The following U2SURP variants were observed in gnomAD, a reference collection of about 807,000 sequenced individuals.
The protein encoded by U2SURP is U2 snRNP-associated SURP motif-containing protein.
Under a neutral mutation model 144.9 loss-of-function variants are expected in U2SURP, and 9 were observed. That is an observed-to-expected ratio of 0.06 (90% CI 0.04 to 0.11). The LOEUF (loss-of-function observed/expected upper bound fraction) is 0.11, where lower values mean the gene tolerates loss of function less well. Among genes scored for constraint, U2SURP ranks in the 10% least tolerant of loss-of-function variants. The probability of loss-of-function intolerance (pLI) is 1.00; values close to 1 mark genes in which losing one functional copy is unlikely to be tolerated. For missense variants in U2SURP, 724 were observed against 1,226.7 expected, an observed-to-expected ratio of 0.59 and a Z score of 6.12; for synonymous variants, 408 against 396.8, an observed-to-expected ratio of 1.03 and a Z score of -0.33.
rs1374235858 is a variant in U2SURP, at chr3:143,012,126, T to C, written c.91-96T>C. ...GATATTTTGATAATCTACAATGAAA[T>C]TTGTCAATATCTGGCATGGCTTATT... is the stretch of plus-strand genomic sequence containing the variant. On this transcript the variant is annotated intron_variant, in intron 2 of 27. Coordinates refer to ENST00000473835, the MANE Select transcript of U2SURP (RefSeq NM_001080415.2). The C allele has an allele frequency of 9.2e-6, 13 of 1,419,798 alleles. 1 individual carries two copies. The highest frequency in any genetic ancestry group is 1.3e-5 in the Non-Finnish European group (13 of 1,029,654). 88.0% of individuals were successfully genotyped at this position (1,419,798 alleles called of 1,614,324 possible). A position where few individuals can be genotyped will look rare whatever the true frequency, so the allele number is the denominator to read the frequency against.
At chr3:143,055,259 T>C in intron 27 of U2SURP, 140 bp downstream of exon 27, 1 of 754,702 alleles carries the variant, frequency 1.3e-6, no homozygotes, top group Non-Finnish European at 2.1e-6. Context: ...ACTTTCATTT[T>C]TGGTTATTCC....
At chr3:143,053,820 C>T (rs763933756) in intron 26 of U2SURP, 26 bp downstream of exon 26, 1 of 1,529,876 alleles carries the variant, frequency 6.5e-7, no homozygotes, top group Non-Finnish European at 8.8e-7. Flanking sequence ...TATTTAATTG[C>T]ATATACTGGT....
At position 143,038,328 on chromosome 3, in the gene U2SURP, A is replaced by G. The variant is rs185722697; in HGVS notation, c.2317+125A>G. 21 of 681,386 alleles carry G rather than the reference A, an allele frequency of 3.1e-5. No homozygotes were observed. In the Admixed American group the frequency reaches 3.4e-4, roughly 11 times the overall value. The allele number at this position is 681,386 out of a possible 1,614,324, so 42.2% of individuals were successfully genotyped here. On this transcript the variant is annotated intron_variant, in intron 22 of 27. Transcript: ENST00000473835. ...TTTAACCTTAATGCTCAATGTTGTC[A>G]TATTTTGTGTCTAATGTATGCTTTT...
At chr3:143,011,874 T>C (rs1936132032) in intron 2 of U2SURP, 1 of 445,424 alleles carries the variant, frequency 2.2e-6, no homozygotes, top group South Asian at 1.6e-5. Context: ...GCTGCTTTTT[T>C]CATGAAACAC....
chr3:143,042,284 C>T (rs1038424332), intron 23 of U2SURP, among the ~76,000 whole-genome samples: 1 of 152,068 alleles, frequency 6.6e-6, no homozygotes, highest in African/African-American at 2.4e-5. Flanking sequence ...AAAATGCATA[C>T]ATTGCTTTAT....
chr3:143,043,298 A>T, intron 24 of U2SURP, 22 bp downstream of exon 24: 1 of 1,577,250 alleles, frequency 6.3e-7, no homozygotes, highest in Non-Finnish European at 8.6e-7. Context: ...AGTGAAACTT[A>T]AATTACACTT....
intron 17 of U2SURP, 82 bp downstream of exon 17, chr3:143,033,028 T>G (rs1344953653): frequency 4.1e-6 from 6 of 1,452,408 alleles, no homozygotes; most frequent in Non-Finnish European, 5.6e-6. Context: ...CACAAAGCAC[T>G]TGACTGATGA....
In U2SURP at chr3:143,037,002, A is replaced by G. The variant is rs1933847258; in HGVS notation, c.2065-177A>G. On this transcript the variant is annotated intron_variant, in intron 20 of 27. Coordinates refer to ENST00000473835, the MANE Select transcript of U2SURP (RefSeq NM_001080415.2). ...CCAGTGAGCACTTGGTAAATATTAG[A>G]TAAATGCACAACTGACTGCTTCTTT... 5.0e-6 allele frequency: 3 copies of G among 603,102 alleles called. No homozygotes were observed. In the South Asian group the frequency reaches 8.1e-5, roughly 16 times the overall value. 37.4% of individuals were successfully genotyped at this position (603,102 alleles called of 1,614,324 possible).
chr3:143,028,918 A>T (rs1933314619), intron 16 of U2SURP, among the ~76,000 whole-genome samples: 1 of 152,164 alleles, frequency 6.6e-6, no homozygotes, highest in South Asian at 2.1e-4. Context: ...AGTACTTCAG[A>T]TTCTTACAGA....
At chr3:143,028,705 A>T in intron 16 of U2SURP, 59 bp downstream of exon 16, 1 of 1,410,434 alleles carries the variant, frequency 7.1e-7, no homozygotes, top group Non-Finnish European at 9.6e-7. Context: ...GGTTGCTTTA[A>T]TTAATGGTCT....
chr3:143,017,603 T>C (rs1936434396), intron 6 of U2SURP, among the ~76,000 whole-genome samples: 1 of 152,032 alleles, frequency 6.6e-6, no homozygotes, highest in African/African-American at 2.4e-5. Context: ...TATTGAGATA[T>C]AATTCACATA....
At chr3:143,005,292 T>G (rs1196348300) in intron 1 of U2SURP, among the ~76,000 whole-genome samples, 1 of 152,208 alleles carries the variant, frequency 6.6e-6, no homozygotes, top group Non-Finnish European at 1.5e-5. Context: ...ACAAAAAGTA[T>G]CACTTTTAAG....
At chr3:143,002,306 T>C (rs1360662966) in intron 1 of U2SURP, 1 of 152,360 alleles carries the variant, frequency 6.6e-6, no homozygotes, top group Non-Finnish European at 1.5e-5. Flanking sequence ...GGTAGAGGAC[T>C]CGTGGTCTCT....
In U2SURP at chr3:143,016,257, G is replaced by A; in HGVS notation, c.322G>A (p.Glu108Lys). Reference sequence around the variant, plus strand: ...TATTAATATTTTCATGTGTATTTAGGAGGATGAAAAGGCAGCTGCTGAGAT... The same window carrying A: ...TATTAATATTTTCATGTGTATTTAGAAGGATGAAAAGGCAGCTGCTGAGAT... ...KKEQEELKKK[E>K]DEKAAAEIYE... is the part of the protein sequence containing the mutation. The change falls in exon 5 of 28, where the codon GAG becomes AAG. Residue 108 changes from glutamate (E) to lysine (K), a missense_variant and splice_region_variant. Around this residue, in one of 13 missense-constraint regions of U2SURP, gnomAD observed 115 missense variants for 258.1 expected, o/e 0.45. Coordinates refer to ENST00000473835, the MANE Select transcript of U2SURP (RefSeq NM_001080415.2). The A allele has an allele frequency of 6.2e-7, 1 of 1,612,060 alleles. No homozygotes were observed. Among genetic ancestry groups the A allele is most frequent in the Non-Finnish European group, 8.5e-7 (1 of 1,178,408 alleles).
Position 143,056,534 on chromosome 3 carries a change from T to C in U2SURP, c.*84T>C. On this transcript the variant is annotated 3_prime_UTR_variant, in exon 28 of 28. Coordinates refer to ENST00000473835, the MANE Select transcript of U2SURP (RefSeq NM_001080415.2). ...GTCTGTTTTTTAAAAAAACAAAAAA[T>C]CAAATGAAAGAGCATTCCTGGGGTT... The C allele has an allele frequency of 6.6e-7, 1 of 1,520,644 alleles. No homozygotes were observed. The highest frequency in any genetic ancestry group is 2.2e-5 in the Admixed American group (1 of 45,926). 94.2% of individuals were successfully genotyped at this position (1,520,644 alleles called of 1,614,324 possible).
Position 143,021,492 on chromosome 3 carries a change from T to A in U2SURP, c.789T>A (p.Pro263=). 6.2e-7 allele frequency: 1 copy of A among 1,613,918 alleles called. No homozygotes were observed. The highest frequency in any genetic ancestry group is 8.5e-7 in the Non-Finnish European group (1 of 1,179,854). The change falls in exon 10 of 28, where the codon CCT becomes CCA. Residue 263 remains proline (P), a synonymous_variant. Coordinates refer to ENST00000473835, the MANE Select transcript of U2SURP (RefSeq NM_001080415.2). ...CCCTAGTTCTTGATGATTACGCACC[T>A]GGCTCACATGATGTAGGAGATCCAA... The part of the protein sequence containing the change: ...RSSGVLDDYA[P]GSHDVGDPST...
At chr3:143,028,444 A>C in intron 15 of U2SURP, 38 bp downstream of exon 15, 1 of 1,609,270 alleles carries the variant, frequency 6.2e-7, no homozygotes, top group Non-Finnish European at 8.5e-7. Context: ...TTTGACTCTG[A>C]GTAATTAGAC....
rs768443474 is a variant in U2SURP, at chr3:143,059,195, AACAC to A, written c.*2747_*2750del. 3 of 152,410 alleles carry A rather than the reference AACAC, an allele frequency of 2.0e-5. No individual in the cohort carries two copies. The Admixed American group carries it at 2.0e-4, about 10-fold the overall frequency. 9.4% of individuals were successfully genotyped at this position (152,410 alleles called of 1,614,324 possible). On this transcript the variant is annotated 3_prime_UTR_variant, in exon 28 of 28. Coordinates refer to ENST00000473835, the MANE Select transcript of U2SURP (RefSeq NM_001080415.2). ...TGTTGAGAAGTTAGAAATTAAAACT[AACAC>A]AACAAAAGGCGCTGAATCAAAAGAT...
chr3:143,037,417 A>G (rs1933871747), intron 21 of U2SURP, 82 bp downstream of exon 21: 3 of 1,319,802 alleles, frequency 2.3e-6, no homozygotes, highest in Admixed American at 2.2e-5. Context: ...GCTGATATGG[A>G]AAAAGGTTAT....
Sources: allele counts gnomAD v4.1 joint callset (sites outside exome capture counted in the v4.1 genomes callset), GRCh38; gene constraint gnomAD v4.1.1; regional missense constraint gnomAD v4.1.1; transcripts MANE v1.5; gene names NCBI Gene and HGNC (gene_info 2026-07-23, HGNC 2026-07-21).